Variants in SSBP2 observed in about 807,000 individuals in gnomAD.
The protein encoded by SSBP2 is single stranded DNA binding protein 2, also known as single-stranded DNA-binding protein 2.
Under a neutral mutation model 61.8 loss-of-function variants are expected in SSBP2, and 17 were observed. That is an observed-to-expected ratio of 0.28 (90% CI 0.19 to 0.41). SSBP2 has a LOEUF of 0.41. Ranked by LOEUF, SSBP2 falls within the 10% of genes least tolerant of loss-of-function variation. SSBP2 has a pLI of 1.00. For missense variants in SSBP2, 310 were observed against 458.7 expected (o/e 0.68, Z 2.96); for synonymous variants, 139 against 141.3 (o/e 0.98, Z 0.12).
At chr5:81,466,939 C>A in intron 9 of SSBP2, 35 bp downstream of exon 9, 2 of 1,260,762 alleles carry the variant, frequency 1.6e-6, no homozygotes, top group African/African-American at 1.5e-5. Flanking sequence ...ATATCATCCA[C>A]GTAATAATGT....
intron 5 of SSBP2, among the ~76,000 whole-genome samples, chr5:81,493,617 G>A (rs992821791): frequency 6.6e-6 from 1 of 152,122 alleles, no homozygotes. Context: ...TTAGCCAGAT[G>A]TGGTGGCATG....
At chr5:81,615,305 C>T (rs1581172156) in intron 4 of SSBP2, 168 bp downstream of exon 4, 6 of 625,168 alleles carry the variant, frequency 9.6e-6, no homozygotes, top group East Asian at 2.8e-5. Flanking sequence ...CTCAAATGCC[C>T]CTTTCTATTT....
chr5:81,692,304 G>A (rs7710903), intron 1 of SSBP2, among the ~76,000 whole-genome samples: 6,096 of 151,946 alleles, frequency 0.04, 188 homozygotes, highest in African/African-American at 0.09. Context: ...CCAAAGAAGC[G>A]AAAGATCTCT....
chr5:81,675,726 G>A (rs1010395445), intron 1 of SSBP2, among the ~76,000 whole-genome samples: 2 of 152,098 alleles, frequency 1.3e-5, no homozygotes, highest in Admixed American at 6.6e-5. Flanking sequence ...CAAACTGATT[G>A]CTGTGCAATC....
At chr5:81,751,101 G>C (rs1757741388), upstream of SSBP2, 4 of 1,530,242 alleles carry the variant, frequency 2.6e-6, no homozygotes, top group East Asian at 4.9e-5. Context: ...CAGCCTCCCC[G>C]GGAACAGCCC....
At chr5:81,547,209 ACAAAAAC>A (rs1771804684) in intron 4 of SSBP2, among the ~76,000 whole-genome samples, 1 of 152,178 alleles carries the variant, frequency 6.6e-6, no homozygotes, top group Non-Finnish European at 1.5e-5. Flanking sequence ...GCAGTTTCTT[ACAAAAAC>A]CAAACATATT....
intron 1 of SSBP2, among the ~76,000 whole-genome samples, chr5:81,736,143 AACACAC>A (rs58588638): frequency 4.4e-4 from 33 of 75,422 alleles, no homozygotes; most frequent in East Asian, 1.2e-3. Context: ...ACTACCCTGA[AACACAC>A]ACACACACAC....
intron 4 of SSBP2, among the ~76,000 whole-genome samples, chr5:81,519,332 T>C (rs1769278561): frequency 6.6e-6 from 1 of 152,178 alleles, no homozygotes; most frequent in Non-Finnish European, 1.5e-5. Flanking sequence ...TTCATGTCAC[T>C]GAAATATTTA....
chr5:81,484,732 T>C (rs1165470044), intron 6 of SSBP2, among the ~76,000 whole-genome samples: 2 of 152,134 alleles, frequency 1.3e-5, no homozygotes, highest in African/African-American at 2.4e-5. Flanking sequence ...TTTTAATATG[T>C]ACATACTATT....
chr5:81,624,071 G>A (rs1423935415), intron 3 of SSBP2, among the ~76,000 whole-genome samples: 1 of 152,068 alleles, frequency 6.6e-6, no homozygotes, highest in Non-Finnish European at 1.5e-5. Flanking sequence ...CATTTACAAT[G>A]TCTATTCTAT....
At chr5:81,464,944 T>C (rs1419182999) in intron 9 of SSBP2, among the ~76,000 whole-genome samples, 2 of 152,034 alleles carry the variant, frequency 1.3e-5, no homozygotes, top group Non-Finnish European at 2.9e-5. Flanking sequence ...GCAATGGAGA[T>C]AATATGTTTC....
intron 5 of SSBP2, among the ~76,000 whole-genome samples, chr5:81,489,520 T>A (rs1176691314): frequency 6.6e-6 from 1 of 152,110 alleles, no homozygotes; most frequent in Non-Finnish European, 1.5e-5. Flanking sequence ...CCAAAGAAAA[T>A]GTAAAAACAT....
At chr5:81,458,563 A>T (rs985602626) in intron 10 of SSBP2, among the ~76,000 whole-genome samples, 7 of 152,376 alleles carry the variant, frequency 4.6e-5, no homozygotes, top group Middle Eastern at 3.4e-3. Context: ...GAAAGAAAAA[A>T]TAGTAAACAA....
chr5:81,674,734 AG>A (rs1430405191), intron 1 of SSBP2, among the ~76,000 whole-genome samples: 2 of 151,608 alleles, frequency 1.3e-5, no homozygotes, highest in Non-Finnish European at 2.9e-5. Flanking sequence ...AACGGTTGAA[AG>A]GGATAAATTA....
chr5:81,537,244 A>G (rs1770878783), intron 4 of SSBP2, among the ~76,000 whole-genome samples: 1 of 152,072 alleles, frequency 6.6e-6, no homozygotes, highest in Non-Finnish European at 1.5e-5. Flanking sequence ...TAACTTACCT[A>G]AAAATCTTCT....
chr5:81,612,097 G>A (rs929796137), intron 4 of SSBP2, among the ~76,000 whole-genome samples: 4 of 152,112 alleles, frequency 2.6e-5, no homozygotes, highest in Admixed American at 6.6e-5. Flanking sequence ...TTTCATGGGT[G>A]CATACTAATT....
chr5:81,434,915 GA>G (rs1271758875), intron 15 of SSBP2, among the ~76,000 whole-genome samples: 2 of 152,126 alleles, frequency 1.3e-5, no homozygotes, highest in East Asian at 3.9e-4. Flanking sequence ...GGCAGGGAGA[GA>G]AAGAATCTGG....
intron 4 of SSBP2, among the ~76,000 whole-genome samples, chr5:81,521,345 G>T (rs1042712544): frequency 6.6e-6 from 1 of 151,534 alleles, no homozygotes; most frequent in Non-Finnish European, 1.5e-5. Flanking sequence ...CTTCAATTTT[G>T]TAACCATACT....
intron 1 of SSBP2, 37 bp from the exon 2 acceptor site, chr5:81,650,376 T>C (rs373752799): frequency 1.0e-5 from 14 of 1,386,876 alleles, no homozygotes; most frequent in Non-Finnish European, 1.4e-5. Flanking sequence ...AGAAGAGGAA[T>C]ATTAAAATTC....
Sources: allele counts gnomAD v4.1 joint callset (sites outside exome capture counted in the v4.1 genomes callset), GRCh38; gene constraint gnomAD v4.1.1; transcripts MANE v1.5; gene names NCBI Gene and HGNC (gene_info 2026-07-23, HGNC 2026-07-21).